Variants in ADGRL3 observed in about 807,000 individuals in gnomAD.
The protein encoded by ADGRL3 is adhesion G protein-coupled receptor L3.
Under a neutral mutation model 153.5 loss-of-function variants are expected in ADGRL3, and 62 were observed. That is an observed-to-expected ratio of 0.40 (90% CI 0.33 to 0.50). The LOEUF (loss-of-function observed/expected upper bound fraction) is 0.50. ADGRL3 is among the 20% of genes least tolerant of loss of function. The probability of loss-of-function intolerance (pLI) is 0.47; values close to 1 mark genes in which losing one functional copy is unlikely to be tolerated. For synonymous variants in ADGRL3, 710 were observed against 672.5 expected, an observed-to-expected ratio of 1.06 and a Z score of -0.86; for missense variants, 1,641 against 1,859.4, an observed-to-expected ratio of 0.88 and a Z score of 2.16.
chr4:61,587,641 T>A (rs1418105692), intron 5 of ADGRL3, among the ~76,000 whole-genome samples: 1 of 152,118 alleles, frequency 6.6e-6, no homozygotes, highest in East Asian at 1.9e-4. Context: ...ATTTATTGGA[T>A]TATCTATTAC....
chr4:61,764,767 T>A (rs1447671080), intron 8 of ADGRL3, among the ~76,000 whole-genome samples: 2 of 151,870 alleles, frequency 1.3e-5, no homozygotes, highest in African/African-American at 4.8e-5. Flanking sequence ...GAAAATTTTT[T>A]GGGGGTGGTA....
chr4:61,601,117 A>C (rs1223567066), intron 5 of ADGRL3, among the ~76,000 whole-genome samples: 1 of 152,152 alleles, frequency 6.6e-6, no homozygotes, highest in Non-Finnish European at 1.5e-5. Context: ...CTATATAAGA[A>C]TGTTGTTACT....
At chr4:61,414,858 G>A (rs2097128821) in intron 2 of ADGRL3, among the ~76,000 whole-genome samples, 1 of 151,728 alleles carries the variant, frequency 6.6e-6, no homozygotes. Flanking sequence ...TAGAAATAAT[G>A]ATAATAGTAA....
At chr4:61,909,921 A>G (rs1320966365) in intron 12 of ADGRL3, among the ~76,000 whole-genome samples, 176 bp downstream of exon 12, 1 of 152,168 alleles carries the variant, frequency 6.6e-6, no homozygotes, top group Admixed American at 6.6e-5. Flanking sequence ...TTATAATAAT[A>G]GAACTGTGGT....
intron 2 of ADGRL3, among the ~76,000 whole-genome samples, chr4:61,398,695 ACT>A (rs1214024783): frequency 6.9e-6 from 1 of 145,428 alleles, no homozygotes; most frequent in Non-Finnish European, 1.5e-5. Context: ...AATGTCTTTC[ACT>A]CTCTCTCTTC....
chr4:61,661,151 C>G (rs185445387), intron 5 of ADGRL3, among the ~76,000 whole-genome samples: 3 of 152,094 alleles, frequency 2.0e-5, no homozygotes, highest in Non-Finnish European at 4.4e-5. Flanking sequence ...TAAATGTAGA[C>G]TTCTGAGTTT....
At chr4:61,550,177 C>T (rs1321969306) in intron 4 of ADGRL3, among the ~76,000 whole-genome samples, 1 of 149,238 alleles carries the variant, frequency 6.7e-6, no homozygotes, top group Admixed American at 6.6e-5. Context: ...TTATTTAATT[C>T]AGATAGTATA....
At chr4:61,317,982 A>G (rs1227620123) in intron 1 of ADGRL3, among the ~76,000 whole-genome samples, 1 of 151,848 alleles carries the variant, frequency 6.6e-6, no homozygotes, top group African/African-American at 2.4e-5. Context: ...TCAAAACCAG[A>G]CTGGCCAACA....
At chr4:61,457,985 T>C (rs1289126758) in intron 2 of ADGRL3, among the ~76,000 whole-genome samples, 1 of 151,788 alleles carries the variant, frequency 6.6e-6, no homozygotes, top group Non-Finnish European at 1.5e-5. Context: ...AAATCTATAA[T>C]TCAGTCTTAT....
intron 2 of ADGRL3, among the ~76,000 whole-genome samples, chr4:61,432,568 C>CTT (rs778720002): frequency 0.33 from 12,528 of 38,314 alleles, 3,383 homozygotes; most frequent in Middle Eastern, 0.63. Flanking sequence ...TCTTTTCTTT[C>CTT]TCTTCCTTTC....
intron 25 of ADGRL3, among the ~76,000 whole-genome samples, chr4:62,062,904 G>A (rs572003244): frequency 6.8e-4 from 104 of 152,106 alleles, no homozygotes; most frequent in Non-Finnish European, 1.2e-3. Flanking sequence ...GCTTACCATG[G>A]TGTACTAATG....
intron 1 of ADGRL3, among the ~76,000 whole-genome samples, chr4:61,269,065 A>T (rs1433622111): frequency 6.6e-6 from 1 of 151,624 alleles, no homozygotes; most frequent in Admixed American, 6.6e-5. Flanking sequence ...TTACTTTAGT[A>T]TTTATTCAAT....
At chr4:61,523,679 C>CTT (rs2098543790) in intron 4 of ADGRL3, among the ~76,000 whole-genome samples, 1 of 151,932 alleles carries the variant, frequency 6.6e-6, no homozygotes, top group Non-Finnish European at 1.5e-5. Context: ...CAAAGAATTT[C>CTT]TTTAAGACCC....
chr4:61,385,346 T>C (rs2096723770), intron 2 of ADGRL3: 1 of 152,282 alleles, frequency 6.6e-6, no homozygotes, highest in African/African-American at 2.4e-5. Flanking sequence ...CTTCACAGAC[T>C]GTTCCAAGCC....
intron 1 of ADGRL3, among the ~76,000 whole-genome samples, chr4:61,336,714 A>G (rs2095683740): frequency 6.6e-6 from 1 of 151,936 alleles, no homozygotes; most frequent in African/African-American, 2.4e-5. Flanking sequence ...GCCAACATTC[A>G]TGGTGGGTAC....
chr4:61,584,783 A>G (rs976519086), intron 4 of ADGRL3, among the ~76,000 whole-genome samples: 5 of 151,964 alleles, frequency 3.3e-5, no homozygotes, highest in Admixed American at 2.6e-4. Context: ...CAAAAACAAA[A>G]TCACCTCTAT....
intron 13 of ADGRL3, among the ~76,000 whole-genome samples, chr4:61,931,385 A>G (rs532226283): frequency 1.5e-4 from 23 of 152,304 alleles, no homozygotes; most frequent in African/African-American, 5.3e-4. Context: ...CTGTACTGTG[A>G]TATCAAGCAA....
At chr4:61,756,897 G>T (rs1431931296) in intron 8 of ADGRL3, among the ~76,000 whole-genome samples, 2 of 152,106 alleles carry the variant, frequency 1.3e-5, no homozygotes, top group Non-Finnish European at 2.9e-5. Flanking sequence ...TTTGTCATTG[G>T]TTCTGTTTAT....
At chr4:61,505,767 C>G (rs1300628522) in intron 3 of ADGRL3, among the ~76,000 whole-genome samples, 2 of 151,896 alleles carry the variant, frequency 1.3e-5, no homozygotes, top group Non-Finnish European at 2.9e-5. Flanking sequence ...TTGCATCTCT[C>G]TATCAAATCC....
Sources: gnomAD v4.1 joint callset for allele counts (sites outside exome capture counted in the v4.1 genomes callset) on GRCh38, gnomAD v4.1.1 for gene constraint, MANE v1.5 for transcripts, NCBI Gene and HGNC (gene_info 2026-07-23, HGNC 2026-07-21) for gene names.